GRID2: variants seen among roughly 807,000 people sequenced by gnomAD.
The protein encoded by GRID2 is glutamate receptor ionotropic, delta-2.
A neutral mutation model predicts 114.8 loss-of-function variants in GRID2; 33 were observed. The ratio of observed to expected loss-of-function variants is 0.29; its 90% CI spans 0.22 to 0.38. The LOEUF (loss-of-function observed/expected upper bound fraction) is 0.38. GRID2 is among the 10% of genes least tolerant of loss of function. The pLI, the probability that GRID2 is intolerant of heterozygous loss-of-function variation, is 1.00. For missense variants in GRID2, 1,184 were observed against 1,257.7 expected (o/e 0.94, Z 0.89); for synonymous variants, 505 against 449.9 (o/e 1.12, Z -1.55).
At chr4:93,559,788 A>G (rs918700367) in intron 13 of GRID2, among the ~76,000 whole-genome samples, 1 of 152,228 alleles carries the variant, frequency 6.6e-6, no homozygotes, top group Non-Finnish European at 1.5e-5. Flanking sequence ...AAGTATGTTT[A>G]TTGCAGCACT....
chr4:93,395,732 G>A, intron 9 of GRID2, 24 bp downstream of exon 9: 1 of 1,056,958 alleles, frequency 9.5e-7, no homozygotes, highest in Non-Finnish European at 1.5e-6. Context: ...GAGCCTCGTG[G>A]TTTTGACTTT....
chr4:93,734,816 C>T (rs932008110), intron 14 of GRID2, among the ~76,000 whole-genome samples: 7 of 152,072 alleles, frequency 4.6e-5, no homozygotes, highest in South Asian at 4.1e-4. Context: ...GAACATTGCA[C>T]GCCATTAATT....
chr4:92,782,953 A>G (rs1739154320), intron 2 of GRID2, among the ~76,000 whole-genome samples: 1 of 152,104 alleles, frequency 6.6e-6, no homozygotes, highest in African/African-American at 2.4e-5. Flanking sequence ...ACCTTGTTAG[A>G]GATAAAATAA....
chr4:92,549,461 A>G (rs1314946768), intron 1 of GRID2, among the ~76,000 whole-genome samples: 1 of 152,108 alleles, frequency 6.6e-6, no homozygotes, highest in African/African-American at 2.4e-5. Flanking sequence ...CACATCACAC[A>G]CACCTCCAAC....
chr4:93,176,840 A>G (rs148977486), intron 4 of GRID2, among the ~76,000 whole-genome samples: 14 of 152,188 alleles, frequency 9.2e-5, no homozygotes, highest in African/African-American at 3.1e-4. Context: ...GGAATATCTC[A>G]TGTGTGTGTG....
intron 13 of GRID2, among the ~76,000 whole-genome samples, chr4:93,605,440 T>C (rs1020329893): frequency 1.3e-5 from 2 of 152,180 alleles, no homozygotes; most frequent in African/African-American, 2.4e-5. Context: ...TTTACCTTAA[T>C]AATGGTAACT....
intron 2 of GRID2, among the ~76,000 whole-genome samples, chr4:92,990,347 G>A (rs978239396): frequency 2.7e-5 from 4 of 150,110 alleles, no homozygotes; most frequent in African/African-American, 9.8e-5. Context: ...TTTTGAGATA[G>A]AGTCTTGATC....
At chr4:92,848,245 A>C (rs1449476176) in intron 2 of GRID2, among the ~76,000 whole-genome samples, 1 of 149,590 alleles carries the variant, frequency 6.7e-6, no homozygotes, top group Non-Finnish European at 1.5e-5. Context: ...ACAGAGATCT[A>C]GTTGCTAATT....
intron 1 of GRID2, among the ~76,000 whole-genome samples, chr4:92,466,119 T>C (rs1721739987): frequency 6.6e-6 from 1 of 151,864 alleles, no homozygotes; most frequent in African/African-American, 2.4e-5. Flanking sequence ...TTAATTACAC[T>C]ATATATAATG....
chr4:93,261,719 G>A (rs1365613259), intron 8 of GRID2, among the ~76,000 whole-genome samples: 1 of 151,764 alleles, frequency 6.6e-6, no homozygotes, highest in African/African-American at 2.4e-5. Context: ...CTGTAGTGGA[G>A]GATTTTGAGA....
intron 2 of GRID2, among the ~76,000 whole-genome samples, chr4:92,671,001 T>C (rs1691919860): frequency 6.6e-6 from 1 of 152,096 alleles, no homozygotes; most frequent in Admixed American, 6.6e-5. Context: ...ATATAAAAAA[T>C]GCATACTAAC....
intron 2 of GRID2, among the ~76,000 whole-genome samples, chr4:92,635,367 T>G (rs978161671): frequency 3.9e-5 from 6 of 152,118 alleles, no homozygotes; most frequent in Admixed American, 3.9e-4. Flanking sequence ...CTTAGATATA[T>G]TTGCTGTATC....
intron 2 of GRID2, among the ~76,000 whole-genome samples, chr4:93,033,650 C>A (rs1217373613): frequency 6.6e-6 from 1 of 152,134 alleles, no homozygotes; most frequent in Non-Finnish European, 1.5e-5. Flanking sequence ...AATATTATCT[C>A]TTCCCCTTCC....
At chr4:93,027,757 A>G (rs1724016433) in intron 2 of GRID2, among the ~76,000 whole-genome samples, 1 of 152,154 alleles carries the variant, frequency 6.6e-6, no homozygotes, top group South Asian at 2.1e-4. Context: ...ATTTTGCTAA[A>G]TGAAATACCT....
intron 14 of GRID2, among the ~76,000 whole-genome samples, chr4:93,663,028 T>A (rs944552900): frequency 1.3e-5 from 2 of 152,198 alleles, no homozygotes; most frequent in Non-Finnish European, 2.9e-5. Context: ...CTCATTGTGC[T>A]TCCTCATATT....
At chr4:92,885,289 C>T (rs1178617509) in intron 2 of GRID2, among the ~76,000 whole-genome samples, 1 of 152,132 alleles carries the variant, frequency 6.6e-6, no homozygotes, top group Non-Finnish European at 1.5e-5. Context: ...CTTCCTTTGC[C>T]ACTGCTGACA....
At chr4:93,596,447 A>G (rs1391087317) in intron 13 of GRID2, among the ~76,000 whole-genome samples, 3 of 152,064 alleles carry the variant, frequency 2.0e-5, no homozygotes, top group Non-Finnish European at 4.4e-5. Context: ...GCATGGTGGC[A>G]GGCGCCTGTA....
intron 8 of GRID2, among the ~76,000 whole-genome samples, chr4:93,277,111 C>T: frequency 6.6e-6 from 1 of 151,846 alleles, no homozygotes; most frequent in East Asian, 1.9e-4. Flanking sequence ...ATAATACAAA[C>T]TAGTAAGTTA....
chr4:93,107,337 TGAG>T (rs908486009), intron 3 of GRID2, among the ~76,000 whole-genome samples: 17 of 152,082 alleles, frequency 1.1e-4, no homozygotes, highest in Middle Eastern at 3.4e-3. Flanking sequence ...CATTTACAGT[TGAG>T]GAGAAATTTT....
Sources: gnomAD v4.1 joint callset for allele counts (sites outside exome capture counted in the v4.1 genomes callset) on GRCh38, gnomAD v4.1.1 for gene constraint, MANE v1.5 for transcripts, NCBI Gene and HGNC (gene_info 2026-07-23, HGNC 2026-07-21) for gene names.